The following ENTPD6 variants were observed in gnomAD, a reference collection of about 807,000 sequenced individuals.
ENTPD6 encodes the protein ectonucleoside triphosphate diphosphohydrolase 6.
A neutral mutation model predicts 61.5 loss-of-function variants in ENTPD6; 46 were observed. The observed-to-expected ratio is 0.75, with a 90% CI of 0.59 to 0.96. ENTPD6 has a LOEUF of 0.96. Ranked by LOEUF, ENTPD6 falls within the 40% of genes least tolerant of loss-of-function variation. ENTPD6 has a pLI of 0.00. For synonymous variants in ENTPD6, 252 were observed against 255.5 expected, an observed-to-expected ratio of 0.99 and a Z score of 0.13; for missense variants, 612 against 629.0, an observed-to-expected ratio of 0.97 and a Z score of 0.29.
At chr20:25,203,526 G>A (rs767265723) in intron 1 of ENTPD6, among the ~76,000 whole-genome samples, 6 of 152,246 alleles carry the variant, frequency 3.9e-5, no homozygotes, top group Non-Finnish European at 7.4e-5. Context: ...TTCTTCTACC[G>A]ACTCAAATCC....
At chr20:25,209,979 G>T in intron 4 of ENTPD6, 54 bp downstream of exon 4, 3 of 1,472,336 alleles carry the variant, frequency 2.0e-6, no homozygotes, top group Non-Finnish European at 2.9e-6. Flanking sequence ...GTTCAAGCCA[G>T]TTCTTTTCCT....
chr20:25,216,549 C>G, intron 7 of ENTPD6, 99 bp from the exon 8 acceptor site: 1 of 817,432 alleles, frequency 1.2e-6, no homozygotes, highest in Non-Finnish European at 2.0e-6. Context: ...ACTTCTCTGT[C>G]TTTTCTTTCC....
chr20:25,213,177 A>C (rs2092092192), intron 4 of ENTPD6, 86 bp from the exon 5 acceptor site: 4 of 1,546,456 alleles, frequency 2.6e-6, no homozygotes, highest in Non-Finnish European at 3.5e-6. Context: ...TCCAGAAACC[A>C]AAAAAACCCA....
intron 1 of ENTPD6, among the ~76,000 whole-genome samples, chr20:25,201,574 A>G: frequency 6.6e-6 from 1 of 152,194 alleles, no homozygotes; most frequent in Non-Finnish European, 1.5e-5. Context: ...ATATTGGTAC[A>G]GCAACCCCTG....
intron 12 of ENTPD6, among the ~76,000 whole-genome samples, chr20:25,223,387 A>C (rs2092701371): frequency 6.6e-6 from 1 of 152,218 alleles, no homozygotes; most frequent in Non-Finnish European, 1.5e-5. Context: ...CACCCTGCAC[A>C]GCCCAGGAAG....
intron 9 of ENTPD6, 32 bp downstream of exon 9, chr20:25,217,613 C>T (rs779326647): frequency 2.5e-6 from 4 of 1,596,890 alleles, no homozygotes; most frequent in East Asian, 4.5e-5. Context: ...TGGGGAGGCG[C>T]CATGGGGTGG....
intron 8 of ENTPD6, 35 bp downstream of exon 8, chr20:25,216,771 C>T: frequency 6.5e-7 from 1 of 1,531,512 alleles, no homozygotes; most frequent in Non-Finnish European, 8.9e-7. Flanking sequence ...GCTCTTTCCA[C>T]CCCGAGGCCA....
chr20:25,196,794 G>A (rs1013325763), intron 1 of ENTPD6, among the ~76,000 whole-genome samples: 1 of 152,162 alleles, frequency 6.6e-6, no homozygotes, highest in Non-Finnish European at 1.5e-5. Context: ...CATTTTTGAA[G>A]GACCTGGCAA....
Position 25,222,818 on chromosome 20 carries a change from A to T in ENTPD6, c.1046-20A>T. 6.2e-7 allele frequency: 1 copy of T among 1,612,672 alleles called. No individual in the cohort carries two copies. The highest frequency in any genetic ancestry group is 1.1e-5 in the South Asian group (1 of 91,000). On this transcript the variant is annotated intron_variant, in intron 11 of 14. Coordinates refer to ENST00000376652, the MANE Select transcript of ENTPD6 (RefSeq NM_001247.5). ...GGGTGCTCGGAGCCCACTGACCGCT[A>T]GCCTTGTGCTTGTCCCCAGCGGCAA...
chr20:25,196,209 G>A (rs995769684), intron 1 of ENTPD6: 18 of 1,180,528 alleles, frequency 1.5e-5, no homozygotes, highest in Non-Finnish European at 1.8e-5. Flanking sequence ...CTCCGCCCTG[G>A]ATGAGCCCGG....
At position 25,227,431 on chromosome 20, in the gene ENTPD6, A is replaced by G. The variant is rs2092815888; in HGVS notation, c.*1834A>G. Reference sequence around the variant, plus strand: ...AAGGTCGGTGACCTCATGCCTGAAAAAGGCAAACAACTGGAAGTTTTCCAA... The same window carrying G: ...AAGGTCGGTGACCTCATGCCTGAAAGAGGCAAACAACTGGAAGTTTTCCAA... On this transcript the variant is annotated 3_prime_UTR_variant, in exon 15 of 15. Transcript: ENST00000376652. Among the ~76,000 whole-genome samples, 1 of 152,232 alleles carries G rather than the reference A, an allele frequency of 6.6e-6. No homozygotes were observed. The highest frequency in any genetic ancestry group is 2.1e-4 in the South Asian group (1 of 4,824).
At chr20:25,196,018 C>A in intron 1 of ENTPD6, 151 bp downstream of exon 1, 1 of 813,668 alleles carries the variant, frequency 1.2e-6, no homozygotes, top group Non-Finnish European at 1.6e-6. Context: ...TGTCCAGGCT[C>A]CATTAGGGCT....
In ENTPD6 at chr20:25,222,228, G is replaced by A. The variant is rs139990732; in HGVS notation, c.1046-610G>A. On this transcript the variant is annotated intron_variant, in intron 11 of 14. Transcript: ENST00000376652. ...GGGGACACCAGGAGGAAATGAGATC[G>A]AAGGGTTGGAGCATGGGTCTGTGGA... is the stretch of plus-strand genomic sequence containing the variant. 2.8e-3 allele frequency: 428 copies of A among 153,472 alleles called. 1 individual carries two copies. The highest frequency in any genetic ancestry group is 9.6e-3 in the African/African-American group (399 of 41,564). 9.5% of individuals were successfully genotyped at this position (153,472 alleles called of 1,614,324 possible).
At chr20:25,217,374 G>T in intron 8 of ENTPD6, 128 bp from the exon 9 acceptor site, 1 of 827,382 alleles carries the variant, frequency 1.2e-6, no homozygotes. Context: ...CGCAGCCAGC[G>T]ACCTAGTGAA....
chr20:25,222,866 C>T lies in ENTPD6; in HGVS notation c.1074C>T (p.Ala358=), dbSNP rs368318936. The part of the protein sequence containing the change: ...AAASLHELCA[A]RVSEVLQNRV... ...CAAGCCTGCACGAGCTGTGTGCTGC[C>T]AGAGTGTCAGAGGTCCTTCAAAACA... Residue 358 remains alanine, a synonymous_variant, in exon 12 of 15, where the codon GCC becomes GCT. Transcript: ENST00000376652. 6.2e-7 allele frequency: 1 copy of T among 1,613,968 alleles called. No individual in the cohort carries two copies. The highest frequency in any genetic ancestry group is 1.3e-5 in the African/African-American group (1 of 74,914).
intron 12 of ENTPD6, among the ~76,000 whole-genome samples, chr20:25,223,700 C>CT (rs74377963): frequency 0.15 from 20,918 of 138,764 alleles, 2,120 homozygotes; most frequent in East Asian, 0.59. Context: ...TTTTCAAGAA[C>CT]TTTTTTTTTT....
chr20:25,206,736 T>C (rs111826735), intron 2 of ENTPD6, 146 bp downstream of exon 2: 19 of 707,780 alleles, frequency 2.7e-5, no homozygotes, highest in African/African-American at 2.1e-4. Context: ...GGAACACCAT[T>C]TACATGTGGC....
intron 2 of ENTPD6, 72 bp downstream of exon 2, chr20:25,206,662 A>G: frequency 9.0e-7 from 1 of 1,105,526 alleles, no homozygotes; most frequent in South Asian, 1.2e-5. Flanking sequence ...TTGCCTGAAT[A>G]GAAGTATAAC....
At chr20:25,202,869 G>A (rs2091155297) in intron 1 of ENTPD6, among the ~76,000 whole-genome samples, 1 of 152,202 alleles carries the variant, frequency 6.6e-6, no homozygotes, top group South Asian at 2.1e-4. Context: ...TGCTGGAAAT[G>A]TTTGTATTTT....
Sources: allele counts gnomAD v4.1 joint callset (sites outside exome capture counted in the v4.1 genomes callset), GRCh38; gene constraint gnomAD v4.1.1; transcripts MANE v1.5; gene names NCBI Gene and HGNC (gene_info 2026-07-23, HGNC 2026-07-21).